Variants in DROSHA observed in about 807,000 individuals in gnomAD.
The protein encoded by DROSHA is ribonuclease 3.
Under a neutral mutation model 181.9 loss-of-function variants are expected in DROSHA, and 56 were observed. That is an observed-to-expected ratio of 0.31 (90% CI 0.25 to 0.38). The LOEUF is 0.38. Among genes scored for constraint, DROSHA ranks in the 10% least tolerant of loss-of-function variants. The pLI, the probability that DROSHA is intolerant of heterozygous loss-of-function variation, is 1.00. For synonymous variants in DROSHA, 524 were observed against 591.2 expected (o/e 0.89, Z 1.65); for missense variants, 1,218 against 1,743.5 (o/e 0.70, Z 5.37).
chr5:31,521,837 A>G (rs1299067775), intron 5 of DROSHA, among the ~76,000 whole-genome samples: 1 of 152,216 alleles, frequency 6.6e-6, no homozygotes, highest in Non-Finnish European at 1.5e-5. Context: ...AAACCTTCCA[A>G]TGTAAAACTG....
chr5:31,435,050 G>A lies in DROSHA; in HGVS notation c.3042+715C>T, dbSNP rs145120874. ...CTAATGTCATTTCCATTTTACAGAC[G>A]AGAAAGCAGAGGCTTGGAGAAGAGA... On this transcript the variant is annotated intron_variant, in intron 25 of 35. Coordinates refer to ENST00000344624, the MANE Select transcript of DROSHA (RefSeq NM_001382508.1). Among the ~76,000 whole-genome samples, 74 of 152,300 alleles carry A rather than the reference G, an allele frequency of 4.9e-4. 1 individual carries two copies. The East Asian group carries it at 0.01, about 21-fold the overall frequency.
At chr5:31,419,593 T>G in intron 30 of DROSHA, among the ~76,000 whole-genome samples, 1 of 151,926 alleles carries the variant, frequency 6.6e-6, no homozygotes, top group African/African-American at 2.4e-5. Context: ...GGAGGGAAAA[T>G]GTACACGGTG....
chr5:31,405,874 G>A (rs2302905), intron 34 of DROSHA, among the ~76,000 whole-genome samples, 151 bp from the exon 35 acceptor site: 28,322 of 141,814 alleles, frequency 0.2, 2,884 homozygotes, highest in East Asian at 0.31. Context: ...TACTTACAGT[G>A]TCACACACTG....
At chr5:31,440,071 C>T (rs1745384760) in intron 23 of DROSHA, among the ~76,000 whole-genome samples, 1 of 152,086 alleles carries the variant, frequency 6.6e-6, no homozygotes, top group South Asian at 2.1e-4. Context: ...CCTCTTTTAT[C>T]AACTAGCAAC....
At chr5:31,506,586 G>A (rs1737987041) in intron 10 of DROSHA, among the ~76,000 whole-genome samples, 1 of 151,730 alleles carries the variant, frequency 6.6e-6, no homozygotes, top group African/African-American at 2.4e-5. Context: ...GCTAAGGCAG[G>A]AGAATCGCTT....
At position 31,409,425 on chromosome 5, in the gene DROSHA, A is replaced by G; in HGVS notation, c.3668-93T>C. ...TAGACCTTTAAGCAAAATTTTAGTA[A>G]TAGTTTCAACTTCCAGGCCCTCTTT... is the stretch of plus-strand genomic sequence containing the variant. On this transcript the variant is annotated intron_variant, in intron 31 of 35. Coordinates refer to ENST00000344624, the MANE Select transcript of DROSHA (RefSeq NM_001382508.1). The surrounding 1 kb of genome is among the most constrained non-coding windows in gnomAD (Gnocchi z 4.0). The G allele has an allele frequency of 8.5e-7, 1 of 1,173,808 alleles. No individual in the cohort carries two copies. Among genetic ancestry groups the G allele is most frequent in the Non-Finnish European group, 1.2e-6 (1 of 833,600 alleles). 72.7% of individuals were successfully genotyped at this position (1,173,808 alleles called of 1,614,324 possible).
rs896001772 is a variant in DROSHA, at chr5:31,431,815, AAG to A, written c.3043-139_3043-138del. ...ATGGTTACAAATCCATGAATATATT[AAG>A]AGAGAGTTTAGTTTAACATTCATTA... is the stretch of plus-strand genomic sequence containing the variant. On this transcript the variant is annotated intron_variant, in intron 25 of 35. Transcript: ENST00000344624. The A allele has an allele frequency of 1.8e-5, 13 of 710,448 alleles. No individual in the cohort carries two copies. The Admixed American group carries it at 3.1e-4, about 17-fold the overall frequency. The allele number at this position is 710,448 out of a possible 1,614,324, so 44.0% of individuals were successfully genotyped here. A position where few individuals can be genotyped will look rare whatever the true frequency, so the allele number is the denominator to read the frequency against.
At position 31,484,868 on chromosome 5, in the gene DROSHA, T is replaced by C. The variant is rs749350772; in HGVS notation, c.1996+13A>G. ...CATAAACACTACTCTCTTCTTTAAA[T>C]CCTATTACTTACCTTTAAGATTCCA... On this transcript the variant is annotated intron_variant, in intron 15 of 35. Transcript: ENST00000344624. 8 of 1,506,438 alleles carry C rather than the reference T, an allele frequency of 5.3e-6. No homozygotes were observed. The South Asian group carries it at 9.9e-5, about 19-fold the overall frequency. The allele number at this position is 1,506,438 out of a possible 1,614,324, so 93.3% of individuals were successfully genotyped here. A position where few individuals can be genotyped will look rare whatever the true frequency, so the allele number is the denominator to read the frequency against.
At chr5:31,521,259 C>A in intron 5 of DROSHA, 44 bp from the exon 6 acceptor site, 1 of 1,589,650 alleles carries the variant, frequency 6.3e-7, no homozygotes, top group Non-Finnish European at 8.6e-7. Context: ...CAGAAAGACT[C>A]AAAAACACCA....
chr5:31,423,685 G>A (rs1382406768), intron 28 of DROSHA, among the ~76,000 whole-genome samples: 1 of 152,096 alleles, frequency 6.6e-6, no homozygotes, highest in African/African-American at 2.4e-5. Flanking sequence ...CTGAATTAAT[G>A]TCATTTCTTA....
rs561122536 is a variant in DROSHA, at chr5:31,481,885, C to T, written c.2071+1669G>A. On this transcript the variant is annotated intron_variant, in intron 16 of 35. Coordinates refer to ENST00000344624, the MANE Select transcript of DROSHA (RefSeq NM_001382508.1). ...CTAACACTGAGGCACATGCTCTGCA[C>T]TTGGTCTGTAGGAGGCTGCCTCTGG... Among the ~76,000 whole-genome samples, 10 of 152,320 alleles carry T rather than the reference C, an allele frequency of 6.6e-5. No homozygotes were observed. In the South Asian group the frequency reaches 2.1e-3, roughly 32 times the overall value.
At chr5:31,511,692 C>T (rs1298721151) in intron 8 of DROSHA, among the ~76,000 whole-genome samples, 1 of 132,356 alleles carries the variant, frequency 7.6e-6, no homozygotes, top group African/African-American at 2.7e-5. Flanking sequence ...ATAGAGAGAC[C>T]TCATCTAAAA....
Position 31,401,371 on chromosome 5 carries a change from C to A in DROSHA, c.*61G>T. 6.3e-7 allele frequency: 1 copy of A among 1,592,902 alleles called. No individual in the cohort carries two copies. Among genetic ancestry groups the A allele is most frequent in the South Asian group, 1.1e-5 (1 of 90,664 alleles). On this transcript the variant is annotated 3_prime_UTR_variant, in exon 36 of 36. Coordinates refer to ENST00000344624, the MANE Select transcript of DROSHA (RefSeq NM_001382508.1). ...TGTCTGCAGGAAAACTAGGCTAGGT[C>A]TCAATAGACAACAGTCACAGTTACT...
At chr5:31,438,673 CCTACTGCTCATGGG>C (rs1407456912) in intron 23 of DROSHA, among the ~76,000 whole-genome samples, 1 of 152,090 alleles carries the variant, frequency 6.6e-6, no homozygotes, top group Non-Finnish European at 1.5e-5. Flanking sequence ...TACATATTAA[CCTACTGCTCATGGG>C]CTAGGACACA....
intron 18 of DROSHA, 137 bp from the exon 19 acceptor site, chr5:31,466,418 T>C: frequency 2.8e-6 from 2 of 723,550 alleles, no homozygotes; most frequent in Admixed American, 2.5e-5. Flanking sequence ...AAAGCCATCA[T>C]TCTAAGGAAG....
intron 11 of DROSHA, among the ~76,000 whole-genome samples, chr5:31,504,342 G>A (rs887996602): frequency 7.2e-5 from 11 of 152,012 alleles, no homozygotes; most frequent in Non-Finnish European, 1.3e-4. Context: ...ATAATAAAAC[G>A]ACTAAAACTT....
chr5:31,421,293 A>G lies in DROSHA; in HGVS notation c.3504T>C (p.Asp1168=). The change falls in exon 30 of 36, where the codon GAT becomes GAC. Residue 1168 remains aspartate (D), a synonymous_variant. Transcript: ENST00000344624. The part of the protein sequence containing the change: ...ATEYLFIHFP[D]HHEGHLTLLR... ...TCACAGTTAAGTGTCCTTCATGATG[A>G]TCTGGGAAATGAATGAATAAGTACT... The G allele has an allele frequency of 6.2e-7, 1 of 1,613,518 alleles. No homozygotes were observed. Among genetic ancestry groups the G allele is most frequent in the Non-Finnish European group, 8.5e-7 (1 of 1,179,572 alleles).
At chr5:31,474,198 C>A (rs1750095070) in intron 16 of DROSHA, among the ~76,000 whole-genome samples, 1 of 152,158 alleles carries the variant, frequency 6.6e-6, no homozygotes, top group African/African-American at 2.4e-5. Context: ...AATACATCAA[C>A]CCACATTAAG....
intron 26 of DROSHA, 77 bp from the exon 27 acceptor site, chr5:31,429,622 C>T: frequency 8.0e-7 from 1 of 1,255,274 alleles, no homozygotes; most frequent in Non-Finnish European, 1.1e-6. Flanking sequence ...TATAATAAAG[C>T]AAAAACGCAA....
Sources: gnomAD v4.1 joint callset for allele counts (sites outside exome capture counted in the v4.1 genomes callset) on GRCh38, gnomAD v4.1.1 for gene constraint, Gnocchi (gnomAD v3.1) non-coding constraint, MANE v1.5 for transcripts, NCBI Gene and HGNC (gene_info 2026-07-23, HGNC 2026-07-21) for gene names.